The following TSPAN18 variants were observed in gnomAD, a reference collection of about 807,000 sequenced individuals.
The protein encoded by TSPAN18 is tetraspanin 18.
TSPAN18 carries 14 observed loss-of-function variants against 27.3 expected under a neutral mutation model. That is an observed-to-expected ratio of 0.51 (90% CI 0.34 to 0.80). The LOEUF (loss-of-function observed/expected upper bound fraction) is 0.80, where lower values mean the gene tolerates loss of function less well. Ranked by LOEUF, TSPAN18 falls within the 30% of genes least tolerant of loss-of-function variation. TSPAN18 has a pLI of 0.01. For synonymous variants in TSPAN18, 143 were observed against 136.5 expected (o/e 1.05, Z -0.33); for missense variants, 268 against 323.9 (o/e 0.83, Z 1.32).
At chr11:44,899,653 C>A (rs189249829) in intron 3 of TSPAN18, among the ~76,000 whole-genome samples, 1 of 152,180 alleles carries the variant, frequency 6.6e-6, no homozygotes, top group Non-Finnish European at 1.5e-5. Flanking sequence ...AGGGACTGTA[C>A]CTCTATGATA....
intron 3 of TSPAN18, among the ~76,000 whole-genome samples, chr11:44,874,325 C>T (rs891803509): frequency 6.6e-6 from 1 of 152,184 alleles, no homozygotes; most frequent in African/African-American, 2.4e-5. Flanking sequence ...CCCATCTGGC[C>T]CCATAATAGT....
intron 3 of TSPAN18, chr11:44,901,099 C>T (rs1295211305): frequency 6.6e-6 from 1 of 152,184 alleles, no homozygotes; most frequent in East Asian, 1.9e-4. Context: ...GGGACACAAT[C>T]CCCTGTTGGG....
At chr11:44,897,653 T>C in intron 3 of TSPAN18, 1 of 671,484 alleles carries the variant, frequency 1.5e-6, no homozygotes, top group Non-Finnish European at 2.3e-6. Context: ...GCCCCGAGTG[T>C]GTGTATCTGG....
intron 6 of TSPAN18, among the ~76,000 whole-genome samples, chr11:44,918,930 T>G (rs1434759177): frequency 3.3e-5 from 5 of 151,830 alleles, no homozygotes; most frequent in African/African-American, 7.3e-5. Flanking sequence ...CCCACCCAGA[T>G]AAGCCCTCCC....
chr11:44,727,952 G>A (rs1361440405), intron 1 of TSPAN18, among the ~76,000 whole-genome samples: 1 of 152,190 alleles, frequency 6.6e-6, no homozygotes, highest in South Asian at 2.1e-4. Flanking sequence ...GACGGTGCTC[G>A]GCTCGGGTGG....
At chr11:44,805,208 C>T (rs1437920372) in intron 2 of TSPAN18, among the ~76,000 whole-genome samples, 1 of 152,128 alleles carries the variant, frequency 6.6e-6, no homozygotes, top group African/African-American at 2.4e-5. Flanking sequence ...CTGGGTGAGT[C>T]TCCTTGGCAG....
At chr11:44,798,021 C>A (rs1475734542) in intron 2 of TSPAN18, among the ~76,000 whole-genome samples, 1 of 152,194 alleles carries the variant, frequency 6.6e-6, no homozygotes, top group Non-Finnish European at 1.5e-5. Context: ...TCCCAGACTT[C>A]ATGGACCACA....
At position 44,863,323 on chromosome 11, in the gene TSPAN18, G is replaced by A. The variant is rs835751; in HGVS notation, c.-11+2854G>A. 0.047 allele frequency among the ~76,000 whole-genome samples: 7,175 copies of A among 152,306 alleles called. 1,101 individuals carry two copies. The East Asian group carries it at 0.61, about 13-fold the overall frequency. Reference sequence around the variant, plus strand: ...GCCAGGCAGGAAGCCAGATGAACTCGGTTAGCCTTCTTTCCCGCAGGCCTC... The same window carrying A: ...GCCAGGCAGGAAGCCAGATGAACTCAGTTAGCCTTCTTTCCCGCAGGCCTC... On this transcript the variant is annotated intron_variant, in intron 3 of 9. Transcript: ENST00000520358.
intron 9 of TSPAN18, among the ~76,000 whole-genome samples, chr11:44,927,380 G>A (rs528860701): frequency 1.3e-5 from 2 of 152,316 alleles, no homozygotes; most frequent in South Asian, 4.1e-4. Context: ...ACAGAGCGTT[G>A]CCCACATCTG....
At chr11:44,896,086 A>C (rs903814503) in intron 3 of TSPAN18, among the ~76,000 whole-genome samples, 1 of 152,104 alleles carries the variant, frequency 6.6e-6, no homozygotes, top group Admixed American at 6.6e-5. Flanking sequence ...CTCAATGTAC[A>C]TCTACTCAGT....
At chr11:44,881,030 G>A (rs1171804760) in intron 3 of TSPAN18, among the ~76,000 whole-genome samples, 1 of 152,236 alleles carries the variant, frequency 6.6e-6, no homozygotes, top group Non-Finnish European at 1.5e-5. Context: ...TTGGGCAGTT[G>A]TTATAAGCCC....
chr11:44,739,393 C>T (rs954607621), intron 1 of TSPAN18, among the ~76,000 whole-genome samples: 3 of 152,100 alleles, frequency 2.0e-5, no homozygotes, highest in African/African-American at 7.2e-5. Flanking sequence ...GAGGCTGAGG[C>T]GGGCAGATCA....
chr11:44,736,694 G>T (rs1016839752), intron 1 of TSPAN18: 2 of 152,200 alleles, frequency 1.3e-5, no homozygotes, highest in Non-Finnish European at 2.9e-5. Flanking sequence ...GCCTCATCTG[G>T]GTGCAAGGAA....
chr11:44,811,082 C>G (rs1187448742), intron 2 of TSPAN18, among the ~76,000 whole-genome samples: 1 of 151,758 alleles, frequency 6.6e-6, no homozygotes, highest in Non-Finnish European at 1.5e-5. Context: ...TCTACAAACA[C>G]AGTTGAAACT....
chr11:44,821,420 G>A (rs1398220108), intron 2 of TSPAN18, among the ~76,000 whole-genome samples: 1 of 152,160 alleles, frequency 6.6e-6, no homozygotes, highest in Non-Finnish European at 1.5e-5. Context: ...ACAAACAGTA[G>A]AATCAGGAAG....
chr11:44,777,468 A>G (rs1037635560), intron 2 of TSPAN18, among the ~76,000 whole-genome samples: 9 of 152,032 alleles, frequency 5.9e-5, no homozygotes, highest in Non-Finnish European at 1.3e-4. Flanking sequence ...CAGCTCACCC[A>G]CTTCCCAGGA....
intron 2 of TSPAN18, among the ~76,000 whole-genome samples, chr11:44,775,162 A>G (rs1855775777): frequency 6.6e-6 from 1 of 152,226 alleles, no homozygotes; most frequent in South Asian, 2.1e-4. Flanking sequence ...GCCCAGCTAA[A>G]TCTGGACTTC....
intron 3 of TSPAN18, among the ~76,000 whole-genome samples, chr11:44,878,021 A>T (rs143560273): frequency 6.6e-6 from 1 of 152,122 alleles, no homozygotes; most frequent in East Asian, 1.9e-4. Flanking sequence ...ACACAGAAGC[A>T]CAATAGACTG....
intron 5 of TSPAN18, among the ~76,000 whole-genome samples, chr11:44,911,631 C>T (rs146798856): frequency 1.2e-3 from 190 of 152,272 alleles, no homozygotes; most frequent in South Asian, 2.7e-3. Context: ...TCCCTTTCCC[C>T]CTCCTCACCT....
Sources: gnomAD v4.1 joint callset for allele counts (sites outside exome capture counted in the v4.1 genomes callset) on GRCh38, gnomAD v4.1.1 for gene constraint, MANE v1.5 for transcripts, NCBI Gene and HGNC (gene_info 2026-07-23, HGNC 2026-07-21) for gene names.